SGCB: variants seen among roughly 807,000 people sequenced by gnomAD.
SGCB encodes the protein beta-sarcoglycan.
Under a neutral mutation model 27.3 loss-of-function variants are expected in SGCB, and 25 were observed. The ratio of observed to expected loss-of-function variants is 0.92; its 90% confidence interval spans 0.67 to 1.28. The LOEUF (loss-of-function observed/expected upper bound fraction) is 1.28, where lower values mean the gene tolerates loss of function less well. Ranked by LOEUF, SGCB falls within the 50% of genes most tolerant of loss-of-function variation. The probability of loss-of-function intolerance (pLI) is 0.00; values close to 1 mark genes in which losing one functional copy is unlikely to be tolerated. For synonymous variants in SGCB, 147 were observed against 133.5 expected, an observed-to-expected ratio of 1.10 and a Z score of -0.70; for missense variants, 436 against 402.1, an observed-to-expected ratio of 1.08 and a Z score of -0.72.
At chr4:52,031,893 G>A (rs1230707491) in intron 2 of SGCB, 1 of 455,928 alleles carries the variant, frequency 2.2e-6, no homozygotes, top group African/African-American at 2.0e-5. Flanking sequence ...AGTATCTTCA[G>A]ATCTTTTTTC....
At chr4:52,038,105 G>T in intron 1 of SGCB, 122 bp downstream of exon 1, 1 of 56,918 alleles carries the variant, frequency 1.8e-5, no homozygotes, top group Non-Finnish European at 2.9e-5. Context: ...GATCGGCCCC[G>T]CCGAACCCAG....
At chr4:52,030,412 T>C (rs940175190) in intron 2 of SGCB, among the ~76,000 whole-genome samples, 1 of 152,188 alleles carries the variant, frequency 6.6e-6, no homozygotes, top group African/African-American at 2.4e-5. Context: ...ATTACAACCA[T>C]ATAAATATTG....
intron 5 of SGCB, among the ~76,000 whole-genome samples, chr4:52,025,886 G>A (rs149655369): frequency 2.6e-5 from 4 of 152,294 alleles, no homozygotes; most frequent in Admixed American, 2.6e-4. Flanking sequence ...GTCATTTAAT[G>A]GTACAAGAAT....
At chr4:52,036,998 G>A (rs747692101) in intron 1 of SGCB, among the ~76,000 whole-genome samples, 6 of 152,200 alleles carry the variant, frequency 3.9e-5, no homozygotes, top group African/African-American at 1.4e-4. Flanking sequence ...GACGTAATGC[G>A]TAAATTTGAA....
Position 52,033,692 on chromosome 4 carries a change from C to A in SGCB, c.34-52G>T. ...ACAGCTATACCCTCTCGTTTTGGTG[C>A]ATTTATCTATTAGGTGCAAATTCAT... On this transcript the variant is annotated intron_variant, in intron 1 of 5. Transcript: ENST00000381431. 2.1e-6 allele frequency: 3 copies of A among 1,403,634 alleles called. No homozygotes were observed. The South Asian group carries it at 3.4e-5, about 16-fold the overall frequency. 86.9% of individuals were successfully genotyped at this position (1,403,634 alleles called of 1,614,324 possible).
At position 52,030,907 on chromosome 4, in the gene SGCB, G is replaced by A. The variant is rs1159308695; in HGVS notation, c.244-1044C>T. 2.6e-5 allele frequency among the ~76,000 whole-genome samples: 4 copies of A among 152,130 alleles called. No homozygotes were observed. In the East Asian group the frequency reaches 5.8e-4, roughly 22 times the overall value. ...TATAATGCTTCATATTTGATTGCTG[G>A]ACTGGCTAAGTATACAATTCTAGAT... On this transcript the variant is annotated intron_variant, in intron 2 of 5. Coordinates refer to ENST00000381431, the MANE Select transcript of SGCB (RefSeq NM_000232.5).
At chr4:52,036,095 G>T (rs765484105) in intron 1 of SGCB, among the ~76,000 whole-genome samples, 1 of 152,234 alleles carries the variant, frequency 6.6e-6, no homozygotes, top group Non-Finnish European at 1.5e-5. Context: ...GACAAGTGCT[G>T]TAGTGGAGCA....
chr4:52,038,094 C>CCA, intron 1 of SGCB, 133 bp downstream of exon 1: 13 of 446,326 alleles, frequency 2.9e-5, no homozygotes, highest in Non-Finnish European at 3.9e-5. Context: ...CGCCCCGCCC[C>CCA]GATCGGCCCC....
chr4:52,028,919 A>C lies in SGCB; in HGVS notation c.432T>G (p.Ile144Met), dbSNP rs1351172739. ...GCTTTGTTGTCCCTTGCTGAAAAAC[A>C]ATCTTCAAAAAAAACAGTTTATTGT... ...NLVITGNNQP[I>M]VFQQGTTKLS... is the part of the protein sequence containing the mutation. The change falls in exon 4 of 6, where the codon ATT (isoleucine) becomes ATG (methionine). Residue 144 changes from isoleucine to methionine, a missense_variant and splice_region_variant. Coordinates refer to ENST00000381431, the MANE Select transcript of SGCB (RefSeq NM_000232.5). 1 of 1,611,816 alleles carries C rather than the reference A, an allele frequency of 6.2e-7. No individual in the cohort carries two copies. The highest frequency in any genetic ancestry group is 1.1e-5 in the South Asian group (1 of 91,020).
chr4:52,029,717 C>T lies in SGCB; in HGVS notation c.390G>A (p.Arg130=), dbSNP rs781679527. Residue 130 remains arginine (R), a synonymous_variant, in exon 3 of 6, where the codon AGG becomes AGA. Coordinates refer to ENST00000381431, the MANE Select transcript of SGCB (RefSeq NM_000232.5). ...HPLYKSTVGG[R]RNENLVITGN... ...CAGTGATGACCAAATTTTCATTTCG[C>T]CTTCCTCCTACTGTGCTTTTATAAA... is the stretch of plus-strand genomic sequence containing the variant. 7 of 1,613,724 alleles carry T rather than the reference C, an allele frequency of 4.3e-6. No individual in the cohort carries two copies. In the East Asian group the frequency reaches 1.6e-4, roughly 36 times the overall value.
intron 2 of SGCB, among the ~76,000 whole-genome samples, chr4:52,031,431 TGTGTGTGTGTGTGTGTGTGCACGC>T (rs1737246165): frequency 1.3e-5 from 1 of 78,496 alleles, no homozygotes; most frequent in East Asian, 2.9e-4. Flanking sequence ...TGTGTGTGTG[TGTGTGTGTGTGTGTGTGTGCACGC>T]GCATATCTAT....
At chr4:52,029,887 G>A in intron 2 of SGCB, 24 bp from the exon 3 acceptor site, 1 of 1,561,392 alleles carries the variant, frequency 6.4e-7, no homozygotes, top group African/African-American at 1.3e-5. Context: ...CAAGTCCACT[G>A]TTGGTAGGCC....
Position 52,029,679 on chromosome 4 carries a change from G to GTTAAT in SGCB, c.427_428insATTAA (p.Pro143HisfsTer2). The GTTAAT allele has an allele frequency of 6.2e-7, 1 of 1,608,952 alleles. No individual in the cohort carries two copies. The highest frequency in any genetic ancestry group is 8.5e-7 in the Non-Finnish European group (1 of 1,175,390). On this transcript the variant is annotated stop_gained and frameshift_variant and splice_region_variant, in exon 3 of 6. Coordinates refer to ENST00000381431, the MANE Select transcript of SGCB (RefSeq NM_000232.5). LOFTEE classifies it high-confidence loss of function. ...CTTTCAGTTAATGTGGCAACTTACA[G>GTTAAT]GCTGGTTGTTGCCAGTGATGACCAA...
intron 1 of SGCB, 96 bp downstream of exon 1, chr4:52,038,131 C>T: frequency 9.2e-7 from 1 of 1,092,850 alleles, no homozygotes; most frequent in Non-Finnish European, 1.1e-6. Flanking sequence ...GCGGCCCGCG[C>T]CCCCCGCACC....
intron 2 of SGCB, chr4:52,031,988 A>G (rs1384885015): frequency 6.6e-6 from 3 of 455,596 alleles, no homozygotes; most frequent in African/African-American, 4.0e-5. Flanking sequence ...AGGAAAAGAG[A>G]GCGTGGGAAA....
rs1269295581 is a variant in SGCB, at chr4:52,021,922, T to C, written c.*2035A>G. On this transcript the variant is annotated 3_prime_UTR_variant, in exon 6 of 6. Coordinates refer to ENST00000381431, the MANE Select transcript of SGCB (RefSeq NM_000232.5). ...CAAAAAAGAGTAAAAATAGATTATT[T>C]CCTGAACTACATTTAATAAATAATA... 2 of 152,224 alleles carry C rather than the reference T, an allele frequency of 1.3e-5. No individual in the cohort carries two copies. Among genetic ancestry groups the C allele is most frequent in the African/African-American group, 4.8e-5 (2 of 41,472 alleles). The allele number at this position is 152,224 out of a possible 1,614,324, so 9.4% of individuals were successfully genotyped here.
At chr4:52,028,474 A>G (rs569400529) in intron 4 of SGCB, among the ~76,000 whole-genome samples, 2 of 152,100 alleles carry the variant, frequency 1.3e-5, no homozygotes, top group Non-Finnish European at 2.9e-5. Context: ...CGTCTCTACT[A>G]AAAATACAAA....
At chr4:52,029,088 G>T (rs746948432) in intron 3 of SGCB, among the ~76,000 whole-genome samples, 167 bp from the exon 4 acceptor site, 23 of 152,164 alleles carry the variant, frequency 1.5e-4, no homozygotes, top group Admixed American at 2.6e-4. Context: ...CATCCACTTG[G>T]AAGAAGAGTT....
chr4:52,029,015 G>T, intron 3 of SGCB, 94 bp from the exon 4 acceptor site: 1 of 947,870 alleles, frequency 1.1e-6, no homozygotes, highest in Non-Finnish European at 1.6e-6. Flanking sequence ...AAAAATTACA[G>T]AAATTTAAAA....
Sources: allele counts gnomAD v4.1 joint callset (sites outside exome capture counted in the v4.1 genomes callset), GRCh38; gene constraint gnomAD v4.1.1; transcripts MANE v1.5; gene names NCBI Gene and HGNC (gene_info 2026-07-23, HGNC 2026-07-21).